Variants in RBBP7 observed in about 807,000 individuals in gnomAD.
RBBP7 encodes the protein RB binding protein 7, chromatin remodeling factor.
A neutral mutation model predicts 35.2 loss-of-function variants in RBBP7; 5 were observed. The observed-to-expected ratio is 0.14, with a 90% CI of 0.07 to 0.30. The LOEUF (loss-of-function observed/expected upper bound fraction) is 0.30. Among genes scored for constraint, RBBP7 ranks in the 10% least tolerant of loss-of-function variants. The pLI is 1.00. For missense variants in RBBP7, 155 were observed against 327.5 expected (o/e 0.47, Z 4.07); for synonymous variants, 140 against 118.7 (o/e 1.18, Z -1.17).
chrX:16,860,515 C>T (rs982993523), intron 3 of RBBP7, among the ~76,000 whole-genome samples: 4 of 108,326 alleles, frequency 3.7e-5, no homozygotes, highest in South Asian at 4.0e-4. Flanking sequence ...GGTGAAACCC[C>T]GTCTCTACTA....
rs746142082 is a variant in RBBP7, at chrX:16,852,782, G to A, written c.852C>T (p.Ser284=). 5.8e-6 allele frequency: 7 copies of A among 1,211,978 alleles called. No individual in the cohort carries two copies. In the South Asian group the frequency reaches 7.0e-5, roughly 12 times the overall value. Residue 284 remains serine, a synonymous_variant, in exon 7 of 12, where the codon AGC becomes AGT. Coordinates refer to ENST00000380087, the MANE Select transcript of RBBP7 (RefSeq NM_002893.4). ...EVNCLSFNPY[S]EFILATGSAD... is the part of the protein sequence containing the mutation. ...CAGAGCCGGTGGCTAGAATAAATTC[G>A]CTGTAGGGATTGAATGAGAGGCAGT...
chrX:16,852,252 CTT>C, intron 8 of RBBP7, 130 bp from the exon 9 acceptor site: 1 of 633,699 alleles, frequency 1.6e-6, no homozygotes, highest in African/African-American at 2.2e-5. Context: ...GCCTCACTCT[CTT>C]GTCCCCGACT....
chrX:16,856,690 G>GCT (rs1930362281), intron 5 of RBBP7, among the ~76,000 whole-genome samples: 1 of 111,685 alleles, frequency 9.0e-6, no homozygotes, highest in Non-Finnish European at 1.9e-5. Context: ...AGAGAAACTG[G>GCT]AACATTTGTA....
intron 9 of RBBP7, 27 bp downstream of exon 9, chrX:16,852,019 G>GT (rs1384755965): frequency 9.5e-6 from 11 of 1,162,379 alleles, no homozygotes; most frequent in South Asian, 3.7e-5. Context: ...CATTTATGCA[G>GT]TATCTTGTCA....
intron 3 of RBBP7, among the ~76,000 whole-genome samples, chrX:16,860,372 A>C (rs2382573): frequency 0.32 from 35,497 of 109,229 alleles, 4,567 homozygotes; most frequent in East Asian, 0.57. Flanking sequence ...CACTGTCTTA[A>C]TGATAATATC....
chrX:16,845,608 T>C (rs1430411384), intron 11 of RBBP7, among the ~76,000 whole-genome samples: 1 of 112,186 alleles, frequency 8.9e-6, no homozygotes, highest in African/African-American at 3.2e-5. Context: ...GATGCAGAGA[T>C]TTCTCCTGAC....
chrX:16,857,583 A>G lies in RBBP7; in HGVS notation c.597+11T>C. 5.8e-6 allele frequency: 7 copies of G among 1,210,178 alleles called. No individual in the cohort carries two copies. Among genetic ancestry groups the G allele is most frequent in the Non-Finnish European group, 7.8e-6 (7 of 894,955 alleles). On this transcript the variant is annotated intron_variant, in intron 5 of 11. Transcript: ENST00000380087. ...ACTATATGAACAAATTACAAAGAAT[A>G]CGTTTCTCACATGGTCATCAGATGC...
chrX:16,853,290 G>C, intron 6 of RBBP7: 1 of 164,198 alleles, frequency 6.1e-6, no homozygotes, highest in East Asian at 1.4e-4. Flanking sequence ...TTTCCTCCTC[G>C]ACCTCCAACT....
At chrX:16,845,684 G>A (rs754932394) in intron 11 of RBBP7, 144 bp downstream of exon 11, 10 of 1,050,986 alleles carry the variant, frequency 9.5e-6, no homozygotes, top group African/African-American at 1.9e-5. Context: ...TTGTATTGTT[G>A]AAATGGAAAA....
Position 16,853,675 on chromosome X carries a change from A to G in RBBP7, c.758+7T>C, listed in dbSNP as rs1223615987. 1.8e-6 allele frequency: 2 copies of G among 1,117,112 alleles called. No individual in the cohort carries two copies. Among genetic ancestry groups the G allele is most frequent in the Admixed American group, 3.0e-5 (1 of 33,157 alleles). The allele number at this position is 1,117,112 out of a possible 1,213,427, so 92.1% of individuals were successfully genotyped here. On this transcript the variant is annotated splice_region_variant and intron_variant, in intron 6 of 11. Transcript: ENST00000380087. Reference sequence around the variant, plus strand: ...TTAACAAGATCCCACTGAATTTTCCACCTTACATCATAAGTTTCTGATCAT... The same window carrying G: ...TTAACAAGATCCCACTGAATTTTCCGCCTTACATCATAAGTTTCTGATCAT...
chrX:16,845,046 G>T lies in RBBP7; in HGVS notation c.1267C>A (p.Gln423Lys). 1 of 1,206,970 alleles carries T rather than the reference G, an allele frequency of 8.3e-7. No homozygotes were observed. Among genetic ancestry groups the T allele is most frequent in the East Asian group, 3.0e-5 (1 of 33,806 alleles). ...SDVTTSELEG[Q>K]GS ...CTCGTACTTTGGGTTTAAGATCCTT[G>T]TCCCTCCAGTTCGGATGTCGTGACA... The change falls in exon 12 of 12, where the codon CAA becomes AAA. Residue 423 changes from glutamine (Q) to lysine (K), a missense_variant. Transcript: ENST00000380087.
At chrX:16,868,899 CCA>C (rs1359144265) in intron 2 of RBBP7, among the ~76,000 whole-genome samples, 175 bp downstream of exon 2, 1 of 112,262 alleles carries the variant, frequency 8.9e-6, no homozygotes, top group African/African-American at 3.2e-5. Context: ...CCTTTTACCA[CCA>C]CACTATACAC....
rs79869612 is a variant in RBBP7, at chrX:16,856,542, AAACAAC to A, written c.597+1046_597+1051del. ...CAGACTCCGTCTCAAAAAACAAACA[AAACAAC>A]AACAACAACAACAACAACAAAAACC... On this transcript the variant is annotated intron_variant, in intron 5 of 11. Coordinates refer to ENST00000380087, the MANE Select transcript of RBBP7 (RefSeq NM_002893.4). Among the ~76,000 whole-genome samples, 21 of 106,910 alleles carry A rather than the reference AAACAAC, an allele frequency of 2.0e-4. No individual in the cohort carries two copies. In the East Asian group the frequency reaches 3.0e-3, roughly 15 times the overall value. 92.8% of individuals were successfully genotyped at this position (106,910 alleles called of 115,157 possible). A position where few individuals can be genotyped will look rare whatever the true frequency, so the allele number is the denominator to read the frequency against.
At chrX:16,856,839 T>C (rs1413409019) in intron 5 of RBBP7, among the ~76,000 whole-genome samples, 1 of 111,824 alleles carries the variant, frequency 8.9e-6, no homozygotes, top group Non-Finnish European at 1.9e-5. Context: ...AACATACATC[T>C]ACACAAAAAC....
At position 16,869,230 on chromosome X, in the gene RBBP7, GGA is replaced by G. The variant is rs1221044481; in HGVS notation, c.17-12_17-11del. The G allele has an allele frequency of 8.3e-7, 1 of 1,201,384 alleles. No individual in the cohort carries two copies. The highest frequency in any genetic ancestry group is 3.0e-5 in the East Asian group (1 of 33,814). On this transcript the variant is annotated splice_polypyrimidine_tract_variant and intron_variant, in intron 1 of 11. Coordinates refer to ENST00000380087, the MANE Select transcript of RBBP7 (RefSeq NM_002893.4). Reference sequence around the variant, plus strand: ...ACAGTATCTTCAAACACTGAAATTTGGAGAAAGCCCACACGATTAAGTGGCTG... The same window carrying G: ...ACAGTATCTTCAAACACTGAAATTTGGAAAGCCCACACGATTAAGTGGCTG...
intron 3 of RBBP7, among the ~76,000 whole-genome samples, chrX:16,862,578 G>A (rs1930502303): frequency 9.1e-6 from 1 of 110,046 alleles, no homozygotes; most frequent in Non-Finnish European, 1.9e-5. Context: ...GTAGAAATGA[G>A]GTCTGTGTTT....
intron 3 of RBBP7, among the ~76,000 whole-genome samples, chrX:16,861,935 A>C: frequency 1.8e-5 from 2 of 111,916 alleles, no homozygotes; most frequent in South Asian, 7.5e-4. Flanking sequence ...AGATATCAAG[A>C]TTGATGACAC....
chrX:16,852,594 A>C lies in RBBP7; in HGVS notation c.920T>G (p.Leu307Ter). 1 of 1,211,900 alleles carries C rather than the reference A, an allele frequency of 8.3e-7. No individual in the cohort carries two copies. Among genetic ancestry groups the C allele is most frequent in the Non-Finnish European group, 1.1e-6 (1 of 895,467 alleles). ...ATGAGATTCGAAGGTATGGAGTTTT[A>C]ATTTTAAGTTACGCAGATCCCATAA... ...VALWDLRNLKLKLHTFESHKD... is the reference protein window; with the variant it reads ...VALWDLRNLK Residue 307 changes from leucine to a stop codon, truncating the protein, a stop_gained, in exon 8 of 12, where the codon TTA becomes TGA. Coordinates refer to ENST00000380087, the MANE Select transcript of RBBP7 (RefSeq NM_002893.4). LOFTEE classifies it high-confidence loss of function.
chrX:16,845,171 A>G (rs1400042935), intron 11 of RBBP7, 68 bp from the exon 12 acceptor site: 3 of 744,637 alleles, frequency 4.0e-6, no homozygotes, highest in Admixed American at 2.6e-5. Flanking sequence ...TGTAAAAACA[A>G]TTTAATCTAT....
Sources: allele counts gnomAD v4.1 joint callset (sites outside exome capture counted in the v4.1 genomes callset), GRCh38; gene constraint gnomAD v4.1.1; transcripts MANE v1.5; gene names NCBI Gene and HGNC (gene_info 2026-07-23, HGNC 2026-07-21).